SYT1: variants seen among roughly 807,000 people sequenced by gnomAD.
The protein encoded by SYT1 is synaptotagmin 1, also known as synaptotagmin-1.
Under a neutral mutation model 44.8 loss-of-function variants are expected in SYT1, and 8 were observed. That is an observed-to-expected ratio of 0.18 (90% confidence interval 0.10 to 0.32). SYT1 has a LOEUF of 0.32. SYT1 is among the 10% of genes least tolerant of loss of function. The pLI is 1.00. For synonymous variants in SYT1, 154 were observed against 188.8 expected, an observed-to-expected ratio of 0.82 and a Z score of 1.51; for missense variants, 286 against 509.3, an observed-to-expected ratio of 0.56 and a Z score of 4.22.
chr12:79,340,598 T>C (rs1463539484), intron 8 of SYT1, among the ~76,000 whole-genome samples: 3 of 152,212 alleles, frequency 2.0e-5, no homozygotes, highest in Non-Finnish European at 4.4e-5. Flanking sequence ...AAATATACAA[T>C]CATGTCATCT....
In SYT1 at chr12:79,450,397, C is replaced by CCTT. The variant is rs1339446243; in HGVS notation, c.*1274_*1276dup. On this transcript the variant is annotated 3_prime_UTR_variant, in exon 11 of 11. Transcript: ENST00000261205. ...TCTTTTTACTTAAGTTTTAATTTGT[C>CCTT]CTTTAAAAAAAGGTGAAACAAACCA... 5 of 152,376 alleles carry CCTT rather than the reference C, an allele frequency of 3.3e-5. No individual in the cohort carries two copies. The highest frequency in any genetic ancestry group is 4.8e-5 in the African/African-American group (2 of 41,350). 9.4% of individuals were successfully genotyped at this position (152,376 alleles called of 1,614,324 possible). A position where few individuals can be genotyped will look rare whatever the true frequency, so the allele number is the denominator to read the frequency against.
intron 3 of SYT1, among the ~76,000 whole-genome samples, chr12:79,083,585 G>T (rs564659238): frequency 2.4e-4 from 37 of 152,166 alleles, no homozygotes; most frequent in Admixed American, 2.0e-3. Flanking sequence ...CTAAAAATAA[G>T]AGTATTAAAG....
rs1265860743 is a variant in SYT1, at chr12:79,353,511, T to C, written c.820T>C (p.Leu274=). 6.2e-7 allele frequency: 1 copy of C among 1,613,094 alleles called. No homozygotes were observed. Among genetic ancestry groups the C allele is most frequent in the East Asian group, 2.2e-5 (1 of 44,864 alleles). Reference sequence around the variant, plus strand: ...TTATTGGTTTTCTTAGCAAGAGAAATTGGGTGATATCTGCTTCTCCCTTCG... The same window carrying C: ...TTATTGGTTTTCTTAGCAAGAGAAACTGGGTGATATCTGCTTCTCCCTTCG... ...QSAEKEEQEK[L]GDICFSLRYV... is the part of the protein sequence containing the mutation. The change falls in exon 9 of 11, where the codon TTG becomes CTG. Residue 274 remains leucine, a synonymous_variant. Transcript: ENST00000261205.
chr12:79,384,889 C>T (rs1011483707), intron 9 of SYT1, among the ~76,000 whole-genome samples: 1 of 151,918 alleles, frequency 6.6e-6, no homozygotes, highest in Non-Finnish European at 1.5e-5. Flanking sequence ...GTTTAATACC[C>T]AAATCTTTGA....
At chr12:79,408,416 GATTGGCATTAGTGGGTTTA>G (rs1868312471) in intron 9 of SYT1, among the ~76,000 whole-genome samples, 1 of 152,288 alleles carries the variant, frequency 6.6e-6, no homozygotes, top group South Asian at 2.1e-4. Flanking sequence ...TGCCCACTTA[GATTGGCATTAGTGGGTTTA>G]TTGGAAGGAG....
At chr12:79,344,981 A>G (rs2135985185) in intron 8 of SYT1, among the ~76,000 whole-genome samples, 1 of 152,336 alleles carries the variant, frequency 6.6e-6, no homozygotes. Context: ...ACAGAAGAGT[A>G]ACTTGGTTTA....
intron 9 of SYT1, among the ~76,000 whole-genome samples, chr12:79,410,506 C>CAAAAAAAAAAAAAAAAAAAAAAAA (rs5799432): frequency 1.3e-5 from 1 of 75,916 alleles, no homozygotes. Context: ...TGTTCAAAGT[C>CAAAAAAAAAAAAAAAAAAAAAAAA]AAAAAAAAAA....
intron 9 of SYT1, among the ~76,000 whole-genome samples, chr12:79,372,485 C>T (rs897272200): frequency 9.2e-5 from 14 of 152,124 alleles, no homozygotes; most frequent in African/African-American, 3.1e-4. Context: ...CAGGATTGCC[C>T]ATTATGTTAC....
In SYT1 at chr12:79,010,455, A is replaced by G. The variant is rs561055985; in HGVS notation, c.-84+32524A>G. 9.9e-5 allele frequency among the ~76,000 whole-genome samples: 15 copies of G among 152,218 alleles called. No homozygotes were observed. In the South Asian group the frequency reaches 2.7e-3, roughly 27 times the overall value. On this transcript the variant is annotated intron_variant, in intron 2 of 10. Transcript: ENST00000261205. ...CAGGGACCAAGCTGTTTGTAGTAGT[A>G]TTTCCTACTGCCTCCCTTGATGAAG...
chr12:79,442,498 T>TA (rs973068898), intron 9 of SYT1, among the ~76,000 whole-genome samples: 49 of 152,148 alleles, frequency 3.2e-4, no homozygotes, highest in African/African-American at 7.2e-5. Context: ...ATGTAACATT[T>TA]AAAAAAATCT....
chr12:79,019,377 T>C (rs1872033421), intron 2 of SYT1, among the ~76,000 whole-genome samples: 1 of 152,024 alleles, frequency 6.6e-6, no homozygotes, highest in African/African-American at 2.4e-5. Context: ...CTAGTTTGAA[T>C]TACCATCAAC....
intron 2 of SYT1, among the ~76,000 whole-genome samples, chr12:78,998,943 T>C (rs1244861166): frequency 6.6e-6 from 1 of 152,190 alleles, no homozygotes; most frequent in African/African-American, 2.4e-5. Flanking sequence ...AAATTTTCAT[T>C]CTATCACACT....
At chr12:79,167,322 T>C (rs1056703534) in intron 3 of SYT1, among the ~76,000 whole-genome samples, 3 of 152,078 alleles carry the variant, frequency 2.0e-5, no homozygotes, top group Admixed American at 2.0e-4. Flanking sequence ...CTTTTATGGT[T>C]AAATCTCATT....
chr12:79,342,441 G>A (rs575959953), intron 8 of SYT1, among the ~76,000 whole-genome samples: 57 of 152,242 alleles, frequency 3.7e-4, no homozygotes, highest in Non-Finnish European at 7.4e-4. Context: ...TCATTGCCCA[G>A]ACTGGTCTCA....
At chr12:79,001,268 A>G (rs1192364783) in intron 2 of SYT1, among the ~76,000 whole-genome samples, 1 of 152,020 alleles carries the variant, frequency 6.6e-6, no homozygotes, top group Non-Finnish European at 1.5e-5. Flanking sequence ...TTTAAAAAAA[A>G]AAAAGCCCCT....
intron 3 of SYT1, among the ~76,000 whole-genome samples, chr12:79,100,762 A>G (rs959378848): frequency 2.8e-4 from 42 of 152,120 alleles, no homozygotes; most frequent in Non-Finnish European, 5.3e-4. Context: ...TTTCGTAAAT[A>G]TAGGAATTGA....
chr12:78,877,969 T>C (rs1307938463), intron 1 of SYT1, among the ~76,000 whole-genome samples: 1 of 151,786 alleles, frequency 6.6e-6, no homozygotes, highest in Non-Finnish European at 1.5e-5. Flanking sequence ...ATACAGGTAA[T>C]TTTGTGTGAA....
rs186413029 is a variant in SYT1, at chr12:79,168,156, T to G, written c.-17-49347T>G. Among the ~76,000 whole-genome samples the G allele has an allele frequency of 3.2e-3, 494 of 152,168 alleles. 3 individuals carry two copies. The highest frequency in any genetic ancestry group is 0.011 in the African/African-American group (458 of 41,546). ...ATGTATGTACTTAACTTCTTTGTCT[T>G]CTAGTTATTCCTTTAGAAATGTAAA... On this transcript the variant is annotated intron_variant, in intron 3 of 10. Transcript: ENST00000261205.
intron 4 of SYT1, among the ~76,000 whole-genome samples, chr12:79,230,871 C>G (rs1035277501): frequency 2.0e-5 from 3 of 152,154 alleles, no homozygotes; most frequent in African/African-American, 7.2e-5. Context: ...GGGGCTTGAA[C>G]AAGATTTTGG....
Sources: gnomAD v4.1 joint callset for allele counts (sites outside exome capture counted in the v4.1 genomes callset) on GRCh38, gnomAD v4.1.1 for gene constraint, MANE v1.5 for transcripts, NCBI Gene and HGNC (gene_info 2026-07-23, HGNC 2026-07-21) for gene names.